Variants in AGTPBP1 observed in about 807,000 individuals in gnomAD.
AGTPBP1 encodes cytosolic carboxypeptidase 1.
In AGTPBP1, 70 loss-of-function variants were observed where a neutral mutation model predicts 143.9. The ratio of observed to expected loss-of-function variants is 0.49; its 90% CI spans 0.40 to 0.59. The LOEUF (loss-of-function observed/expected upper bound fraction) is 0.59. Among genes scored for constraint, AGTPBP1 ranks in the 20% least tolerant of loss-of-function variants. The pLI is 0.00. For synonymous variants in AGTPBP1, 463 were observed against 500.2 expected, an observed-to-expected ratio of 0.93 and a Z score of 0.99; for missense variants, 1,229 against 1,464.5, an observed-to-expected ratio of 0.84 and a Z score of 2.62.
chr9:85,586,888 T>C lies in AGTPBP1; in HGVS notation c.2976A>G (p.Thr992=), dbSNP rs1353782909. The C allele has an allele frequency of 1.2e-6, 2 of 1,614,076 alleles. No homozygotes were observed. Among genetic ancestry groups the C allele is most frequent in the African/African-American group, 1.3e-5 (1 of 75,062 alleles). ...GCAACAGCCCCTTAGCATGGTAAAT[T>C]GTAGGATGTAAATCCGGACTTGGAC... The part of the protein sequence containing the change: ...WQSPSPDLHP[T]IYHAKGLLQY... The change falls in exon 22 of 26, where the codon ACA becomes ACG. Residue 992 remains threonine (T), a synonymous_variant. Transcript: ENST00000357081.
At chr9:85,787,997 T>A in the AGTPBP1 span, 2 of 152,150 alleles carry the variant, frequency 1.3e-5, no homozygotes, top group Non-Finnish European at 2.9e-5. Context: ...TGCTAGCCCC[T>A]AGGGAGTAGA....
chr9:85,711,551 A>C (rs1475341140), intron 2 of AGTPBP1, among the ~76,000 whole-genome samples: 1 of 149,862 alleles, frequency 6.7e-6, no homozygotes, highest in Non-Finnish European at 1.5e-5. Flanking sequence ...GCGATTCTCC[A>C]GCCTCAGCCT....
chr9:85,644,357 TTTCTC>T (rs1263712460), intron 12 of AGTPBP1, among the ~76,000 whole-genome samples: 2 of 151,862 alleles, frequency 1.3e-5, no homozygotes, highest in African/African-American at 4.8e-5. Context: ...AAGATATTCT[TTTCTC>T]TAAACATACT....
chr9:85,795,559 C>A, the AGTPBP1 span, among the ~76,000 whole-genome samples: 1 of 152,090 alleles, frequency 6.6e-6, no homozygotes, highest in African/African-American at 2.4e-5. Context: ...TAGTGACATA[C>A]CAATGAGTAA....
chr9:85,637,883 G>A (rs989138698), intron 13 of AGTPBP1, among the ~76,000 whole-genome samples: 3 of 152,160 alleles, frequency 2.0e-5, no homozygotes, highest in Non-Finnish European at 2.9e-5. Context: ...CGGGGAGGGA[G>A]AGCAAGACAG....
At chr9:85,778,915 G>A in the AGTPBP1 span, among the ~76,000 whole-genome samples, 2 of 152,014 alleles carry the variant, frequency 1.3e-5, no homozygotes, top group Non-Finnish European at 2.9e-5. Context: ...TGCCTCTCAC[G>A]AGCAGTGAAT....
the AGTPBP1 span, among the ~76,000 whole-genome samples, chr9:85,792,925 TA>T: frequency 3.3e-5 from 5 of 152,212 alleles, no homozygotes; most frequent in Non-Finnish European, 7.4e-5. Flanking sequence ...AAACAAATCA[TA>T]AGACATCTTC....
At chr9:85,590,621 A>G (rs369810650) in intron 19 of AGTPBP1, among the ~76,000 whole-genome samples, 3 of 152,140 alleles carry the variant, frequency 2.0e-5, no homozygotes, top group East Asian at 3.8e-4. Flanking sequence ...ACCCTACCCT[A>G]GGGAAAATAG....
the AGTPBP1 span, among the ~76,000 whole-genome samples, chr9:85,757,308 G>A: frequency 1.6e-4 from 25 of 152,164 alleles, no homozygotes; most frequent in East Asian, 4.3e-3. Flanking sequence ...CTTGTGATCC[G>A]CCTGTCTTGG....
chr9:85,659,765 C>A (rs908054880), intron 9 of AGTPBP1, among the ~76,000 whole-genome samples: 2 of 152,122 alleles, frequency 1.3e-5, no homozygotes, highest in African/African-American at 2.4e-5. Flanking sequence ...TTCTAATCTA[C>A]TCCAAATCAA....
chr9:85,666,727 G>A (rs1377568263), intron 8 of AGTPBP1, among the ~76,000 whole-genome samples: 1 of 151,894 alleles, frequency 6.6e-6, no homozygotes, highest in African/African-American at 2.4e-5. Context: ...TTGACAACTT[G>A]GTTATAATAG....
At chr9:85,724,382 C>A (rs1397704982) in intron 1 of AGTPBP1, among the ~76,000 whole-genome samples, 1 of 151,638 alleles carries the variant, frequency 6.6e-6, no homozygotes, top group East Asian at 1.9e-4. Flanking sequence ...TAGACTAAGA[C>A]AACTTTGAAA....
intron 25 of AGTPBP1, among the ~76,000 whole-genome samples, chr9:85,549,358 G>A (rs764910851): frequency 2.4e-4 from 36 of 152,174 alleles, no homozygotes; most frequent in Non-Finnish European, 4.1e-4. Context: ...AAATCCATGT[G>A]TTGGGTAGCT....
chr9:85,682,173 A>T (rs373273343), intron 3 of AGTPBP1, among the ~76,000 whole-genome samples: 179 of 45,898 alleles, frequency 3.9e-3, no homozygotes, highest in African/African-American at 0.01. Context: ...AGGATTGGTT[A>T]AAAAAAAAAA....
chr9:85,634,650 CT>C (rs1831915520), intron 13 of AGTPBP1, among the ~76,000 whole-genome samples: 1 of 152,062 alleles, frequency 6.6e-6, no homozygotes, highest in African/African-American at 2.4e-5. Flanking sequence ...CCAGATCATT[CT>C]TTTTTGGATG....
intron 25 of AGTPBP1, among the ~76,000 whole-genome samples, chr9:85,561,277 GCTTGAACCTGGGAGGCAGGAGAATCA>G (rs1235399643): frequency 2.0e-5 from 3 of 151,502 alleles, no homozygotes; most frequent in Admixed American, 6.6e-5. Context: ...CAGGAGAATC[GCTTGAACCTGGGAGGCAGGAGAATCA>G]CTTGAACCTG....
At chr9:85,684,352 G>C (rs1257151902) in intron 3 of AGTPBP1, among the ~76,000 whole-genome samples, 2 of 152,148 alleles carry the variant, frequency 1.3e-5, no homozygotes, top group African/African-American at 4.8e-5. Context: ...AGAGGAGCAG[G>C]ACAGTGGAGG....
intron 14 of AGTPBP1, among the ~76,000 whole-genome samples, chr9:85,625,501 C>T (rs529862929): frequency 4.6e-4 from 70 of 152,002 alleles, no homozygotes; most frequent in Non-Finnish European, 8.7e-4. Context: ...TTTTCATAAG[C>T]GTATTTTTTA....
chr9:85,770,461 A>G, the AGTPBP1 span: 1 of 1,577,420 alleles, frequency 6.3e-7, no homozygotes, highest in African/African-American at 1.3e-5. Context: ...TGTTGAGATT[A>G]GAGCTATTCT....
Sources: allele counts gnomAD v4.1 joint callset (sites outside exome capture counted in the v4.1 genomes callset), GRCh38; gene constraint gnomAD v4.1.1; transcripts MANE v1.5; gene names NCBI Gene and HGNC (gene_info 2026-07-23, HGNC 2026-07-21).